The following EXOSC9 variants were observed in gnomAD, a reference collection of about 807,000 sequenced individuals.
The protein encoded by EXOSC9 is exosome component 9.
In EXOSC9, 38 loss-of-function variants were observed where a neutral mutation model predicts 56.5. That is an observed-to-expected ratio of 0.67 (90% CI 0.52 to 0.88). The LOEUF is 0.88. Ranked by LOEUF, EXOSC9 falls within the 40% of genes least tolerant of loss-of-function variation. The pLI is 0.00. For synonymous variants in EXOSC9, 170 were observed against 170.8 expected (o/e 0.99, Z 0.04); for missense variants, 559 against 530.5 (o/e 1.05, Z -0.53).
At position 121,811,672 on chromosome 4, in the gene EXOSC9, G is replaced by A. The variant is rs750256049; in HGVS notation, c.827+1G>A. On this transcript the variant is annotated splice_donor_variant, in intron 8 of 11. Coordinates refer to ENST00000243498, the MANE Select transcript of EXOSC9 (RefSeq NM_005033.3). LOFTEE classifies it high-confidence loss of function. ...CTTTGGAGAATGACCAAAAAGTAAG[G>A]TAAGTAACTTTTCCAGAACTAAGTG... 4 of 1,494,594 alleles carry A rather than the reference G, an allele frequency of 2.7e-6. No individual in the cohort carries two copies. Among genetic ancestry groups the A allele is most frequent in the Non-Finnish European group, 3.6e-6 (4 of 1,100,804 alleles). The allele number at this position is 1,494,594 out of a possible 1,614,324, so 92.6% of individuals were successfully genotyped here.
intron 5 of EXOSC9, among the ~76,000 whole-genome samples, chr4:121,807,109 A>G (rs1312834249): frequency 2.0e-5 from 3 of 152,122 alleles, no homozygotes; most frequent in Non-Finnish European, 4.4e-5. Context: ...CCTGACCAAC[A>G]TGGAGAAACC....
In EXOSC9 at chr4:121,816,377, A is replaced by G. The variant is rs1724509046; in HGVS notation, c.1165A>G (p.Ile389Val). The G allele has an allele frequency of 2.0e-6, 3 of 1,528,600 alleles. No individual in the cohort carries two copies. The highest frequency in any genetic ancestry group is 2.7e-6 in the Non-Finnish European group (3 of 1,131,894). 94.7% of individuals were successfully genotyped at this position (1,528,600 alleles called of 1,614,324 possible). The change falls in exon 11 of 12, where the codon ATA becomes GTA. Residue 389 changes from isoleucine (I) to valine (V), a missense_variant. Transcript: ENST00000243498. ...TTAATAAAAAAACAAAGATGCTCCC[A>G]TAATACTCTCAGATAGTGAAGAAGA... Reference protein sequence around the residue: ...VSDIGSQDAPIILSDSEEEEM... With the variant: ...VSDIGSQDAPVILSDSEEEEM...
intron 5 of EXOSC9, among the ~76,000 whole-genome samples, chr4:121,807,151 G>A (rs1288356714): frequency 2.6e-5 from 4 of 152,128 alleles, no homozygotes; most frequent in African/African-American, 4.8e-5. Context: ...TTAGCCGGGC[G>A]TGGTGGCACA....
At chr4:121,811,340 T>C (rs972341455) in intron 7 of EXOSC9, among the ~76,000 whole-genome samples, 1 of 152,236 alleles carries the variant, frequency 6.6e-6, no homozygotes, top group African/African-American at 2.4e-5. Flanking sequence ...CTGTGGCCTC[T>C]TCTGTGGTAT....
At position 121,816,962 on chromosome 4, in the gene EXOSC9, G is replaced by A; in HGVS notation, c.*106G>A. 8.9e-7 allele frequency: 1 copy of A among 1,125,326 alleles called. No homozygotes were observed. The allele number at this position is 1,125,326 out of a possible 1,614,324, so 69.7% of individuals were successfully genotyped here. On this transcript the variant is annotated 3_prime_UTR_variant, in exon 12 of 12. Coordinates refer to ENST00000243498, the MANE Select transcript of EXOSC9 (RefSeq NM_005033.3). ...CACAAATCCATTATAAAATCTAGCAGGATTTTAAAAATAGTTTTTTGTTTT... is the reference window on the plus strand; with the variant it reads ...CACAAATCCATTATAAAATCTAGCAAGATTTTAAAAATAGTTTTTTGTTTT...
chr4:121,814,843 A>G (rs2149039733), intron 10 of EXOSC9: 1 of 152,308 alleles, frequency 6.6e-6, no homozygotes, highest in Non-Finnish European at 1.5e-5. Context: ...GTTGTTATGT[A>G]TGGTTATTTC....
At position 121,816,457 on chromosome 4, in the gene EXOSC9, T is replaced by A. The variant is rs923194100; in HGVS notation, c.1235+10T>A. The A allele has an allele frequency of 9.8e-6, 15 of 1,524,592 alleles. No individual in the cohort carries two copies. Among genetic ancestry groups the A allele is most frequent in the Non-Finnish European group, 1.2e-5 (14 of 1,123,162 alleles). 94.4% of individuals were successfully genotyped at this position (1,524,592 alleles called of 1,614,324 possible). ...ATCCAAAGAAAATAAGGTAACAAATTTCTGGTTTATTTCAAATGTATACAT... is the reference window on the plus strand; with the variant it reads ...ATCCAAAGAAAATAAGGTAACAAATATCTGGTTTATTTCAAATGTATACAT... On this transcript the variant is annotated intron_variant, in intron 11 of 11. Transcript: ENST00000243498.
chr4:121,807,809 T>TATACTTTG, intron 6 of EXOSC9, 187 bp downstream of exon 6: 1 of 600,710 alleles, frequency 1.7e-6, no homozygotes, highest in Non-Finnish European at 3.0e-6. Flanking sequence ...ACAAAACTCT[T>TATACTTTG]ATACTTTGAT....
chr4:121,814,720 C>A (rs1724421861), intron 10 of EXOSC9: 1 of 152,096 alleles, frequency 6.6e-6, no homozygotes, highest in South Asian at 2.1e-4. Context: ...CCACATGTGG[C>A]TAGTGGCTAC....
At chr4:121,802,045 T>G in intron 2 of EXOSC9, 124 bp downstream of exon 2, 1 of 701,928 alleles carries the variant, frequency 1.4e-6, no homozygotes, top group East Asian at 2.7e-5. Flanking sequence ...CTGACAAAAA[T>G]AAGTATTTTT....
At chr4:121,813,688 G>C (rs1489166954) in intron 9 of EXOSC9, 178 bp from the exon 10 acceptor site, 2 of 531,806 alleles carry the variant, frequency 3.8e-6, no homozygotes, top group Non-Finnish European at 6.5e-6. Flanking sequence ...AATCTTGCCT[G>C]AGTTTTTTTT....
intron 8 of EXOSC9, among the ~76,000 whole-genome samples, chr4:121,812,123 T>G (rs1445239778): frequency 1.3e-5 from 2 of 152,192 alleles, no homozygotes; most frequent in Non-Finnish European, 2.9e-5. Context: ...GAGGGATATC[T>G]TTCAAAGTGC....
intron 7 of EXOSC9, among the ~76,000 whole-genome samples, 194 bp from the exon 8 acceptor site, chr4:121,811,388 TC>T (rs1265149895): frequency 4.6e-5 from 7 of 152,244 alleles, no homozygotes; most frequent in African/African-American, 1.7e-4. Context: ...TTATGTCTGT[TC>T]CCTTGATGTG....
chr4:121,816,717 A>G lies in EXOSC9; in HGVS notation c.1236-55A>G, dbSNP rs111499975. The G allele has an allele frequency of 1.6e-4, 238 of 1,495,024 alleles. No individual in the cohort carries two copies. In the African/African-American group the frequency reaches 2.8e-3, roughly 18 times the overall value. The allele number at this position is 1,495,024 out of a possible 1,614,324, so 92.6% of individuals were successfully genotyped here. ...AAAACTAAGAAATGCCTCTTATTTC[A>G]ATAATCCAAAACTTAACATACTCTT... On this transcript the variant is annotated intron_variant, in intron 11 of 11. Transcript: ENST00000243498.
chr4:121,813,714 G>A (rs927710002), intron 9 of EXOSC9, 152 bp from the exon 10 acceptor site: 8 of 554,492 alleles, frequency 1.4e-5, no homozygotes, highest in African/African-American at 1.1e-4. Context: ...TCATTGTTCA[G>A]CCATCCATAG....
chr4:121,802,058 A>T (rs1726884943), intron 2 of EXOSC9, 137 bp downstream of exon 2: 2 of 660,026 alleles, frequency 3.0e-6, no homozygotes, highest in Admixed American at 2.9e-5. Flanking sequence ...GTATTTTTTT[A>T]TGCGAGATTT....
chr4:121,812,196 C>G (rs1727232216), intron 8 of EXOSC9, among the ~76,000 whole-genome samples: 1 of 152,128 alleles, frequency 6.6e-6, no homozygotes, highest in African/African-American at 2.4e-5. Flanking sequence ...GGGTCAAGTC[C>G]AGAATTCTAA....
In EXOSC9 at chr4:121,809,845, C is replaced by T. The variant is rs13135576; in HGVS notation, c.606-122C>T. On this transcript the variant is annotated intron_variant, in intron 6 of 11. Transcript: ENST00000243498. ...TTTCCCCATTTCAGTGACCCAAATC[C>T]GTAGGCTCAGACCTTTATTCTCTGT... The T allele has an allele frequency of 9.1e-3, 10,113 of 1,109,270 alleles. 88 individuals are homozygous for T. Among genetic ancestry groups the T allele is most frequent in the Non-Finnish European group, 9.3e-3 (6,936 of 747,184 alleles). The allele number at this position is 1,109,270 out of a possible 1,614,324, so 68.7% of individuals were successfully genotyped here. A position where few individuals can be genotyped will look rare whatever the true frequency, so the allele number is the denominator to read the frequency against.
Position 121,810,151 on chromosome 4 carries a change from G to T in EXOSC9, c.738+52G>T. The T allele has an allele frequency of 1.3e-6, 2 of 1,525,002 alleles. 1 individual carries two copies. The highest frequency in any genetic ancestry group is 4.5e-5 in the East Asian group (2 of 44,078). The allele number at this position is 1,525,002 out of a possible 1,614,324, so 94.5% of individuals were successfully genotyped here. A position where few individuals can be genotyped will look rare whatever the true frequency, so the allele number is the denominator to read the frequency against. Reference sequence around the variant, plus strand: ...AATAATAGGTTGCTTCTCTTTAGATGCTTTTTCTTGTCTTTTAACAAAAAT... The same window carrying T: ...AATAATAGGTTGCTTCTCTTTAGATTCTTTTTCTTGTCTTTTAACAAAAAT... On this transcript the variant is annotated intron_variant, in intron 7 of 11. Coordinates refer to ENST00000243498, the MANE Select transcript of EXOSC9 (RefSeq NM_005033.3).
Sources: gnomAD v4.1 joint callset for allele counts (sites outside exome capture counted in the v4.1 genomes callset) on GRCh38, gnomAD v4.1.1 for gene constraint, MANE v1.5 for transcripts, NCBI Gene and HGNC (gene_info 2026-07-23, HGNC 2026-07-21) for gene names.